The following OSBP2 variants were observed in gnomAD, a reference collection of about 807,000 sequenced individuals.
OSBP2 encodes the protein oxysterol-binding protein 2.
In OSBP2, 66 loss-of-function variants were observed where a neutral mutation model predicts 96.0. The ratio of observed to expected loss-of-function variants is 0.69; its 90% CI spans 0.56 to 0.84. The LOEUF (loss-of-function observed/expected upper bound fraction) is 0.84. OSBP2 is among the 40% of genes least tolerant of loss of function. OSBP2 has a pLI of 0.00. For synonymous variants in OSBP2, 525 were observed against 520.9 expected (o/e 1.01, Z -0.11); for missense variants, 1,038 against 1,222.7 (o/e 0.85, Z 2.25).
chr22:30,696,007 C>A (rs2089025474), intron 1 of OSBP2, among the ~76,000 whole-genome samples: 1 of 152,162 alleles, frequency 6.6e-6, no homozygotes, highest in South Asian at 2.1e-4. Flanking sequence ...ATTCTTCCCG[C>A]CTGGGGCAGT....
intron 1 of OSBP2, among the ~76,000 whole-genome samples, chr22:30,739,713 A>G (rs925647375): frequency 7.2e-5 from 11 of 152,118 alleles, no homozygotes; most frequent in Admixed American, 2.0e-4. Context: ...TCATGAAAAC[A>G]GGGGAATTGC....
chr22:30,893,581 T>TA lies in OSBP2; in HGVS notation c.2094+15_2094+16insA, dbSNP rs1163194103. On this transcript the variant is annotated intron_variant, in intron 10 of 13. Transcript: ENST00000332585. ...GGATCGACCAGGTCAGGGGCGCCCT[T>TA]GGGGAGGGGGTGCATGGCCCGGGGG... 6.2e-7 allele frequency: 1 copy of TA among 1,613,464 alleles called. No individual in the cohort carries two copies. Among genetic ancestry groups the TA allele is most frequent in the East Asian group, 2.2e-5 (1 of 44,880 alleles).
intron 1 of OSBP2, among the ~76,000 whole-genome samples, chr22:30,701,886 C>T (rs959844252): frequency 2.0e-5 from 3 of 152,160 alleles, no homozygotes; most frequent in African/African-American, 7.2e-5. Flanking sequence ...CATGTGTAAG[C>T]ATTTGAAGTA....
intron 2 of OSBP2, among the ~76,000 whole-genome samples, chr22:30,793,841 C>G (rs1223665244): frequency 6.6e-6 from 1 of 152,122 alleles, no homozygotes; most frequent in Non-Finnish European, 1.5e-5. Flanking sequence ...GACCCTATCT[C>G]TAAGAAAAAG....
At chr22:30,885,559 T>C (rs944805101) in intron 3 of OSBP2, among the ~76,000 whole-genome samples, 5 of 152,220 alleles carry the variant, frequency 3.3e-5, no homozygotes, top group African/African-American at 9.6e-5. Flanking sequence ...GACTCTGATG[T>C]AGCTTGGTAG....
At chr22:30,721,790 AT>A (rs1173315606) in intron 1 of OSBP2, among the ~76,000 whole-genome samples, 1 of 152,212 alleles carries the variant, frequency 6.6e-6, no homozygotes, top group Non-Finnish European at 1.5e-5. Flanking sequence ...GGAGTGTTAA[AT>A]TTGGAGTTAA....
chr22:30,888,199 T>C (rs1385463746), intron 4 of OSBP2, 24 bp from the exon 5 acceptor site: 7 of 1,481,594 alleles, frequency 4.7e-6, no homozygotes, highest in Non-Finnish European at 6.6e-6. Context: ...AGGTTACAAA[T>C]TAAAGCTCTG....
At chr22:30,860,151 G>A (rs1486336116) in intron 2 of OSBP2, among the ~76,000 whole-genome samples, 4 of 152,014 alleles carry the variant, frequency 2.6e-5, no homozygotes, top group Non-Finnish European at 5.9e-5. Context: ...CAGCTGATTA[G>A]TTAAAAAAAT....
chr22:30,702,140 T>C (rs1285114725), intron 1 of OSBP2, among the ~76,000 whole-genome samples: 1 of 152,200 alleles, frequency 6.6e-6, no homozygotes, highest in African/African-American at 2.4e-5. Flanking sequence ...TTCCAAGTCC[T>C]GCCTGTATAT....
chr22:30,839,430 T>C (rs1409966006), intron 2 of OSBP2, among the ~76,000 whole-genome samples: 2 of 128,608 alleles, frequency 1.6e-5, no homozygotes, highest in South Asian at 2.5e-4. Flanking sequence ...CCACACTGAC[T>C]TCCACAATGG....
chr22:30,820,591 T>G (rs1009835127), intron 2 of OSBP2, among the ~76,000 whole-genome samples: 4 of 152,118 alleles, frequency 2.6e-5, no homozygotes, highest in Admixed American at 6.6e-5. Context: ...CTGGTGACCC[T>G]GGGCAAGTCA....
chr22:30,742,728 C>T (rs753798716), intron 2 of OSBP2, among the ~76,000 whole-genome samples: 1 of 152,148 alleles, frequency 6.6e-6, no homozygotes, highest in African/African-American at 2.4e-5. Flanking sequence ...GTTTATGTAA[C>T]CTATAGCTTG....
chr22:30,756,426 C>T (rs573160852), intron 2 of OSBP2, among the ~76,000 whole-genome samples: 137 of 152,238 alleles, frequency 9.0e-4, no homozygotes, highest in Non-Finnish European at 1.4e-3. Flanking sequence ...TGGTGTCTCA[C>T]GCCTGTAACC....
At chr22:30,694,320 G>C, upstream of OSBP2, 1 of 1,548,150 alleles carries the variant, frequency 6.5e-7, no homozygotes, top group Non-Finnish European at 8.7e-7. Context: ...CGCTTCTGGC[G>C]GCCGCAGGAG....
At chr22:30,734,054 A>C (rs1275836434) in intron 1 of OSBP2, among the ~76,000 whole-genome samples, 1 of 152,022 alleles carries the variant, frequency 6.6e-6, no homozygotes, top group African/African-American at 2.4e-5. Context: ...CATTCACTGC[A>C]ACCATCACCT....
intron 12 of OSBP2, chr22:30,902,412 G>A (rs1228236922): frequency 1.9e-4 from 296 of 1,573,806 alleles, no homozygotes; most frequent in Non-Finnish European, 2.5e-4. Context: ...ATGGTGCACT[G>A]TTGGGCAATC....
chr22:30,819,377 G>A (rs2091120289), intron 2 of OSBP2, among the ~76,000 whole-genome samples: 1 of 152,170 alleles, frequency 6.6e-6, no homozygotes, highest in South Asian at 2.1e-4. Context: ...CAGGAGCGGG[G>A]CTGGGGTTCA....
intron 2 of OSBP2, among the ~76,000 whole-genome samples, chr22:30,742,003 A>G (rs569140885): frequency 6.6e-6 from 1 of 151,996 alleles, no homozygotes; most frequent in Non-Finnish European, 1.5e-5. Flanking sequence ...TATTTTTAAT[A>G]CAGACAGGGT....
In OSBP2 at chr22:30,695,098, A is replaced by T. The variant is rs1438543327; in HGVS notation, c.189A>T (p.Gly63=). 2.5e-6 allele frequency: 4 copies of T among 1,581,152 alleles called. No individual in the cohort carries two copies. The highest frequency in any genetic ancestry group is 1.2e-5 in the South Asian group (1 of 86,070). ...QPQPVPEPER[G]PLSEQVSEAV... ...AGCCCGTGCCCGAACCGGAGCGGGG[A>T]CCGCTGTCAGAACAGGTGTCGGAGG... Residue 63 remains glycine (G), a synonymous_variant, in exon 1 of 14, where the codon GGA becomes GGT. Coordinates refer to ENST00000332585, the MANE Select transcript of OSBP2 (RefSeq NM_030758.4).
Sources: gnomAD v4.1 joint callset for allele counts (sites outside exome capture counted in the v4.1 genomes callset) on GRCh38, gnomAD v4.1.1 for gene constraint, MANE v1.5 for transcripts, NCBI Gene and HGNC (gene_info 2026-07-23, HGNC 2026-07-21) for gene names.